RTF2: variants seen among roughly 807,000 people sequenced by gnomAD.
The protein encoded by RTF2 is replication termination factor 2.
In RTF2, 18 loss-of-function variants were observed where a neutral mutation model predicts 38.0. The observed-to-expected ratio is 0.47, with a 90% CI of 0.33 to 0.70. RTF2 has a LOEUF of 0.70. Among genes scored for constraint, RTF2 ranks in the 30% least tolerant of loss-of-function variants. The probability of loss-of-function intolerance (pLI) is 0.02; values close to 1 mark genes in which losing one functional copy is unlikely to be tolerated. For missense variants in RTF2, 311 were observed against 379.6 expected, an observed-to-expected ratio of 0.82 and a Z score of 1.50; for synonymous variants, 126 against 137.1, an observed-to-expected ratio of 0.92 and a Z score of 0.57.
intron 4 of RTF2, among the ~76,000 whole-genome samples, chr20:56,480,865 A>C (rs972436368): frequency 2.2e-4 from 33 of 152,220 alleles, no homozygotes; most frequent in Admixed American, 3.9e-4. Flanking sequence ...ACCCCAAAAC[A>C]ATTACAAAAG....
At chr20:56,513,580 G>C (rs1984834478) in intron 6 of RTF2, 152 bp downstream of exon 6, 2 of 978,558 alleles carry the variant, frequency 2.0e-6, no homozygotes, top group African/African-American at 3.3e-5. Flanking sequence ...GCAGATTCCA[G>C]CTGAGGCCCA....
rs11472534 is a variant in RTF2 at position 56,476,502 on chromosome 20, C to CTTT, written c.259-471_259-469dup. ...TGAAAAAAATCTTGTTTTCTGTTTT[C>CTTT]TTTTTTTTTTTTTTGAGACGGAGTT... On this transcript the variant is annotated intron_variant, in intron 3 of 8. Coordinates refer to ENST00000357348, the MANE Select transcript of RTF2 (RefSeq NM_016407.5). 8.2e-4 allele frequency among the ~76,000 whole-genome samples: 117 copies of CTTT among 142,278 alleles called. 2 individuals are homozygous for CTTT. The highest frequency in any genetic ancestry group is 3.6e-3 in the Middle Eastern group (1 of 274). 93.3% of individuals were successfully genotyped at this position (142,278 alleles called of 152,430 possible).
intron 5 of RTF2, among the ~76,000 whole-genome samples, chr20:56,487,752 T>G (rs1338278288): frequency 6.6e-6 from 1 of 152,166 alleles, no homozygotes. Context: ...AAAATCAAGG[T>G]GTCATCAGGG....
intron 5 of RTF2, among the ~76,000 whole-genome samples, chr20:56,500,965 CA>C (rs1983888412): frequency 1.3e-5 from 2 of 151,904 alleles, no homozygotes; most frequent in African/African-American, 4.8e-5. Flanking sequence ...TTTTGCCACA[CA>C]AGCTTTTTTT....
At chr20:56,505,510 T>TAAG (rs1984211545) in intron 5 of RTF2, among the ~76,000 whole-genome samples, 1 of 149,102 alleles carries the variant, frequency 6.7e-6, no homozygotes, top group African/African-American at 2.5e-5. Flanking sequence ...ATAATAATAA[T>TAAG]AATAATATTT....
At position 56,518,589 on chromosome 20, in the gene RTF2, G is replaced by A. The variant is rs1027494646; in HGVS notation, c.*324G>A. Reference sequence around the variant, plus strand: ...AAGAGACTCCAGAGTCCTCACCGGTGCAGAGTTGGCACATATTAATTAACT... The same window carrying A: ...AAGAGACTCCAGAGTCCTCACCGGTACAGAGTTGGCACATATTAATTAACT... On this transcript the variant is annotated 3_prime_UTR_variant, in exon 9 of 9. Transcript: ENST00000357348. 1.7e-5 allele frequency: 4 copies of A among 237,810 alleles called. No homozygotes were observed. The highest frequency in any genetic ancestry group is 2.4e-5 in the Non-Finnish European group (3 of 124,652). The allele number at this position is 237,810 out of a possible 1,614,324, so 14.7% of individuals were successfully genotyped here. A position where few individuals can be genotyped will look rare whatever the true frequency, so the allele number is the denominator to read the frequency against.
rs114166937 is a variant in RTF2, at chr20:56,517,590, G to A, written c.742+389G>A. Among the ~76,000 whole-genome samples the A allele has an allele frequency of 6.1e-3, 933 of 152,298 alleles. 10 individuals are homozygous for A. The highest frequency in any genetic ancestry group is 0.021 in the African/African-American group (892 of 41,576). The stretch of plus-strand genomic sequence containing the variant: ...GGGGCTTTCATGGGCTCCACGTGTG[G>A]CTCTCAGAGTCCCCTCTCTGCTGCC... On this transcript the variant is annotated intron_variant, in intron 8 of 8. Coordinates refer to ENST00000357348, the MANE Select transcript of RTF2 (RefSeq NM_016407.5).
intron 6 of RTF2, chr20:56,516,570 C>G (rs1277509021): frequency 7.0e-6 from 2 of 286,480 alleles, no homozygotes; most frequent in African/African-American, 4.4e-5. Context: ...CATATATACT[C>G]TGTGTTACTC....
At chr20:56,480,311 C>T (rs6127764) in intron 4 of RTF2, among the ~76,000 whole-genome samples, 4 of 151,942 alleles carry the variant, frequency 2.6e-5, no homozygotes, top group African/African-American at 9.7e-5. Flanking sequence ...CCAGTTTCCA[C>T]CTCTTCCTCT....
Position 56,473,323 on chromosome 20 carries a change from T to A in RTF2, c.92T>A (p.Val31Glu), listed in dbSNP as rs1162374833. 6.2e-7 allele frequency: 1 copy of A among 1,613,534 alleles called. No homozygotes were observed. The highest frequency in any genetic ancestry group is 8.5e-7 in the Non-Finnish European group (1 of 1,179,682). ...VEKVDKDAEL[V>E]AQWNYCTLSQ... Reference sequence around the variant, plus strand: ...TAGGTCGACAAAGATGCTGAATTAGTGGCCCAATGGAACTATTGTACTCTA... The same window carrying A: ...TAGGTCGACAAAGATGCTGAATTAGAGGCCCAATGGAACTATTGTACTCTA... The change falls in exon 2 of 9, where the codon GTG becomes GAG. Residue 31 changes from valine (V) to glutamate (E), a missense_variant. By Grantham distance (121) the Val-to-Glu change is moderately radical. Transcript: ENST00000357348.
At position 56,470,547 on chromosome 20, in the gene RTF2, C is replaced by T. The variant is rs371307419; in HGVS notation, c.69+1781C>T. On this transcript the variant is annotated intron_variant, in intron 1 of 8. Coordinates refer to ENST00000357348, the MANE Select transcript of RTF2 (RefSeq NM_016407.5). ...CTGCCCTGGTTCCTAACGCAGAGCA[C>T]CTAAATTCCTTGTAATTTCCTGGGT... 4.9e-3 allele frequency: 2,226 copies of T among 455,822 alleles called. 14 individuals are homozygous for T. The highest frequency in any genetic ancestry group is 0.01 in the Middle Eastern group (31 of 3,068). 28.2% of individuals were successfully genotyped at this position (455,822 alleles called of 1,614,324 possible).
intron 5 of RTF2, among the ~76,000 whole-genome samples, chr20:56,502,034 A>G (rs149033136): frequency 6.6e-6 from 1 of 152,218 alleles, no homozygotes; most frequent in Non-Finnish European, 1.5e-5. Flanking sequence ...AAATATGTAT[A>G]TAGTGTACAG....
intron 6 of RTF2, chr20:56,515,665 G>GACACAC (rs11474559): frequency 0.25 from 36,207 of 145,644 alleles, 5,192 homozygotes; most frequent in South Asian, 0.36. Context: ...CTCAGACAGA[G>GACACAC]ACACACACAC....
intron 5 of RTF2, among the ~76,000 whole-genome samples, chr20:56,499,839 C>T (rs1439631021): frequency 2.6e-5 from 4 of 151,804 alleles, no homozygotes; most frequent in Non-Finnish European, 4.4e-5. Context: ...CCGGTTGAAG[C>T]GATTCTCCTG....
chr20:56,496,519 G>C (rs974758199), intron 5 of RTF2: 2 of 1,163,300 alleles, frequency 1.7e-6, no homozygotes, highest in East Asian at 2.7e-5. Context: ...CTGCACTCCA[G>C]CCTCGGTGAC....
chr20:56,476,475 A>T (rs184226691), intron 3 of RTF2, among the ~76,000 whole-genome samples: 61 of 149,604 alleles, frequency 4.1e-4, no homozygotes, highest in African/African-American at 1.4e-3. Context: ...TAGTCAGTGA[A>T]TTGAAAAAAA....
chr20:56,512,269 A>G (rs543566439), intron 5 of RTF2, among the ~76,000 whole-genome samples: 26 of 151,424 alleles, frequency 1.7e-4, no homozygotes, highest in Middle Eastern at 3.4e-3. Flanking sequence ...GGGAACCTCC[A>G]CTCCTCGTTC....
intron 4 of RTF2, among the ~76,000 whole-genome samples, chr20:56,479,475 T>G (rs1982421289): frequency 6.6e-6 from 1 of 152,202 alleles, no homozygotes; most frequent in East Asian, 1.9e-4. Context: ...TCTGCCTGCC[T>G]CAGCCTCCCA....
intron 5 of RTF2, chr20:56,497,351 T>C (rs1983615966): frequency 6.4e-7 from 1 of 1,550,792 alleles, no homozygotes; most frequent in Non-Finnish European, 8.7e-7. Context: ...TGGAGCAGTT[T>C]CCTGGTGTGT....
Sources: gnomAD v4.1 joint callset for allele counts (sites outside exome capture counted in the v4.1 genomes callset) on GRCh38, gnomAD v4.1.1 for gene constraint, MANE v1.5 for transcripts, NCBI Gene and HGNC (gene_info 2026-07-23, HGNC 2026-07-21) for gene names.